The following FGF14 variants were observed in gnomAD, a reference collection of about 807,000 sequenced individuals.
FGF14 encodes fibroblast growth factor 14.
Under a neutral mutation model 25.5 loss-of-function variants are expected in FGF14, and 5 were observed. The observed-to-expected ratio is 0.20, with a 90% confidence interval of 0.10 to 0.41. The LOEUF (loss-of-function observed/expected upper bound fraction) is 0.41, where lower values mean the gene tolerates loss of function less well. Among genes scored for constraint, FGF14 ranks in the 10% least tolerant of loss-of-function variants. The pLI is 1.00. For missense variants in FGF14, 222 were observed against 320.1 expected, an observed-to-expected ratio of 0.69 and a Z score of 2.34; for synonymous variants, 138 against 118.3, an observed-to-expected ratio of 1.17 and a Z score of -1.08.
intron 1 of FGF14, chr13:102,292,772 C>T (rs1370055407): frequency 6.6e-6 from 1 of 152,200 alleles, no homozygotes; most frequent in Non-Finnish European, 1.5e-5. Flanking sequence ...AAGTATTAGA[C>T]ACAATGAATG....
intron 3 of FGF14, among the ~76,000 whole-genome samples, chr13:101,753,256 T>C (rs1234381348): frequency 3.3e-5 from 5 of 150,422 alleles, no homozygotes; most frequent in Middle Eastern, 3.4e-3. Context: ...TTCCATATAT[T>C]ATATATGATC....
At chr13:101,947,339 C>T (rs916289321) in intron 1 of FGF14, among the ~76,000 whole-genome samples, 18 of 152,124 alleles carry the variant, frequency 1.2e-4, no homozygotes, top group African/African-American at 4.1e-4. Flanking sequence ...TGAGTATACA[C>T]CCAAAGGAAA....
At chr13:101,806,473 AATTT>A (rs1326450500) in intron 3 of FGF14, among the ~76,000 whole-genome samples, 1 of 151,638 alleles carries the variant, frequency 6.6e-6, no homozygotes, top group Non-Finnish European at 1.5e-5. Flanking sequence ...ACATTGAGAA[AATTT>A]TTTTTTTTGT....
chr13:102,080,037 G>T (rs1306945366), intron 1 of FGF14, among the ~76,000 whole-genome samples: 1 of 152,110 alleles, frequency 6.6e-6, no homozygotes, highest in East Asian at 1.9e-4. Context: ...TGACGCACCG[G>T]GCAAGGATGG....
At chr13:101,811,570 C>T (rs912349448) in intron 3 of FGF14, among the ~76,000 whole-genome samples, 6 of 152,176 alleles carry the variant, frequency 3.9e-5, no homozygotes, top group Admixed American at 3.3e-4. Context: ...CTGCTATAAA[C>T]ATCTGTGTGC....
intron 1 of FGF14, among the ~76,000 whole-genome samples, chr13:101,965,628 A>T (rs978942987): frequency 5.3e-5 from 8 of 151,764 alleles, no homozygotes; most frequent in African/African-American, 1.7e-4. Flanking sequence ...GTTTTCCAGG[A>T]TCTAATGTTA....
intron 1 of FGF14, among the ~76,000 whole-genome samples, chr13:102,235,193 T>TGGGA: frequency 6.6e-6 from 1 of 152,354 alleles, no homozygotes; most frequent in African/African-American, 2.4e-5. Flanking sequence ...AGCTATATTT[T>TGGGA]GGGATCTATT....
chr13:101,909,830 T>C (rs1444901636), intron 1 of FGF14, among the ~76,000 whole-genome samples: 2 of 152,132 alleles, frequency 1.3e-5, no homozygotes, highest in Non-Finnish European at 2.9e-5. Context: ...TAGCAAAGAC[T>C]TGGAACCAAC....
At chr13:102,119,200 C>T (rs146378057) in intron 1 of FGF14, among the ~76,000 whole-genome samples, 65 of 152,304 alleles carry the variant, frequency 4.3e-4, no homozygotes, top group African/African-American at 1.5e-3. Flanking sequence ...CAAGCATTTA[C>T]GCTTACCTTC....
intron 1 of FGF14, among the ~76,000 whole-genome samples, chr13:101,927,521 T>C (rs1265327113): frequency 1.3e-5 from 2 of 152,218 alleles, no homozygotes; most frequent in East Asian, 1.9e-4. Context: ...TGAGTACAGA[T>C]AGGAGACAGC....
At chr13:102,129,526 G>C (rs1006047086) in intron 1 of FGF14, among the ~76,000 whole-genome samples, 1 of 149,670 alleles carries the variant, frequency 6.7e-6, no homozygotes, top group Admixed American at 6.6e-5. Flanking sequence ...TATTTGACAC[G>C]AATAAAGAAA....
At chr13:102,312,061 G>C (rs2055796451) in intron 1 of FGF14, among the ~76,000 whole-genome samples, 1 of 152,130 alleles carries the variant, frequency 6.6e-6, no homozygotes, top group South Asian at 2.1e-4. Flanking sequence ...AGAACTGCTT[G>C]ACGTTTGGTA....
At chr13:102,132,542 C>T (rs1413395044) in intron 1 of FGF14, among the ~76,000 whole-genome samples, 1 of 149,628 alleles carries the variant, frequency 6.7e-6, no homozygotes, top group Non-Finnish European at 1.5e-5. Flanking sequence ...AGACAGAGTG[C>T]CCAGGCCTGA....
Position 101,829,349 on chromosome 13 carries a change from T to G in FGF14, c.408+39376A>C, listed in dbSNP as rs1433884509. Among the ~76,000 whole-genome samples the G allele has an allele frequency of 2.0e-5, 3 of 152,086 alleles. No homozygotes were observed. In the East Asian group the frequency reaches 5.8e-4, roughly 29 times the overall value. On this transcript the variant is annotated intron_variant, in intron 3 of 4. Coordinates refer to ENST00000376143, the MANE Select transcript of FGF14 (RefSeq NM_004115.4). ...ATAATGTGTTATTACAGGTTTCTCCTGAGTTTAATTTACAAAGAAGAAGCA... is the reference window on the plus strand; with the variant it reads ...ATAATGTGTTATTACAGGTTTCTCCGGAGTTTAATTTACAAAGAAGAAGCA...
intron 3 of FGF14, among the ~76,000 whole-genome samples, chr13:101,850,308 G>T (rs2043696826): frequency 3.2e-5 from 4 of 124,628 alleles, no homozygotes; most frequent in Admixed American, 8.1e-5. Flanking sequence ...AAAAAAAATA[G>T]CCGGGCATAG....
chr13:101,970,620 C>G (rs1377228277), intron 1 of FGF14, among the ~76,000 whole-genome samples: 1 of 152,118 alleles, frequency 6.6e-6, no homozygotes, highest in Non-Finnish European at 1.5e-5. Flanking sequence ...TCTTTGGAGT[C>G]TCCATGTCTG....
At chr13:102,304,978 T>G (rs1456293628) in intron 1 of FGF14, among the ~76,000 whole-genome samples, 1 of 152,196 alleles carries the variant, frequency 6.6e-6, no homozygotes, top group African/African-American at 2.4e-5. Flanking sequence ...TTGAAACTAC[T>G]GAGTTTTGGG....
chr13:101,754,967 C>A (rs1357238860), intron 3 of FGF14, among the ~76,000 whole-genome samples: 2 of 152,024 alleles, frequency 1.3e-5, no homozygotes, highest in Non-Finnish European at 2.9e-5. Context: ...AATGACATAT[C>A]TTTTTGCCTA....
chr13:102,027,322 T>C (rs2040981284), intron 1 of FGF14, among the ~76,000 whole-genome samples: 1 of 151,344 alleles, frequency 6.6e-6, no homozygotes, highest in Non-Finnish European at 1.5e-5. Flanking sequence ...ATATTATAAT[T>C]ATTATAATTC....
Sources: gnomAD v4.1 joint callset for allele counts (sites outside exome capture counted in the v4.1 genomes callset) on GRCh38, gnomAD v4.1.1 for gene constraint, MANE v1.5 for transcripts, NCBI Gene and HGNC (gene_info 2026-07-23, HGNC 2026-07-21) for gene names.